Variants in RAB11FIP1 observed in about 807,000 individuals in gnomAD.
RAB11FIP1 encodes rab11 family-interacting protein 1.
A neutral mutation model predicts 83.1 loss-of-function variants in RAB11FIP1; 49 were observed. That is an observed-to-expected ratio of 0.59 (90% confidence interval 0.47 to 0.75). RAB11FIP1 has a LOEUF of 0.75. RAB11FIP1 is among the 30% of genes least tolerant of loss of function. The pLI is 0.00. For missense variants in RAB11FIP1, 1,536 were observed against 1,598.7 expected (o/e 0.96, Z 0.67); for synonymous variants, 670 against 656.0 (o/e 1.02, Z -0.33).
chr8:37,894,964 A>G (rs762726536), intron 1 of RAB11FIP1, among the ~76,000 whole-genome samples: 1 of 148,254 alleles, frequency 6.7e-6, no homozygotes, highest in Non-Finnish European at 1.5e-5. Context: ...CACCATGTTG[A>G]CCAGACTGGT....
Position 37,859,755 on chromosome 8 carries a change from G to T in RAB11FIP1, c.*3140C>A, listed in dbSNP as rs1196722160. ...CTAGGCCAAGAAATGAGCTGCTCCA[G>T]CTTCTCCAGAGCACAGCAGCCTCCC... On this transcript the variant is annotated 3_prime_UTR_variant, in exon 6 of 6. Coordinates refer to ENST00000330843, the MANE Select transcript of RAB11FIP1 (RefSeq NM_001002814.3). 6.6e-6 allele frequency: 1 copy of T among 152,266 alleles called. No individual in the cohort carries two copies. The highest frequency in any genetic ancestry group is 2.4e-5 in the African/African-American group (1 of 41,462). 9.4% of individuals were successfully genotyped at this position (152,266 alleles called of 1,614,324 possible).
At chr8:37,876,959 C>T in intron 2 of RAB11FIP1, 150 bp downstream of exon 2, 1 of 675,012 alleles carries the variant, frequency 1.5e-6, no homozygotes, top group Non-Finnish European at 2.5e-6. Context: ...GGCATCTTAA[C>T]CACCGCTATC....
At chr8:37,877,708 ATTTTTTTTTTTTTTTT>A (rs59670170) in intron 1 of RAB11FIP1, 157 bp from the exon 2 acceptor site, 4 of 211,084 alleles carry the variant, frequency 1.9e-5, no homozygotes, top group East Asian at 1.1e-4. Context: ...TGAGAGCAGA[ATTTTTTTTTTTTTTTT>A]TTTTTTTTTT....
chr8:37,871,247 A>G (rs1806449637), intron 4 of RAB11FIP1, 31 bp downstream of exon 4: 3 of 1,569,460 alleles, frequency 1.9e-6, no homozygotes, highest in Admixed American at 1.9e-5. Context: ...CATTGCTCAC[A>G]TTTACATAGA....
chr8:37,866,560 G>T (rs1297853507), intron 5 of RAB11FIP1, among the ~76,000 whole-genome samples: 1 of 151,700 alleles, frequency 6.6e-6, no homozygotes, highest in Non-Finnish European at 1.5e-5. Flanking sequence ...GATGATTTTT[G>T]GATCTAGTTG....
intron 5 of RAB11FIP1, among the ~76,000 whole-genome samples, chr8:37,864,019 CAGA>C (rs1361681019): frequency 3.3e-5 from 5 of 152,226 alleles, no homozygotes; most frequent in Admixed American, 1.3e-4. Context: ...AAGCTGCGCT[CAGA>C]AGGACTCAAT....
In RAB11FIP1 at chr8:37,860,363, G is replaced by A. The variant is rs1266305252; in HGVS notation, c.*2532C>T. 6.6e-6 allele frequency: 1 copy of A among 152,208 alleles called. No homozygotes were observed. Among genetic ancestry groups the A allele is most frequent in the Non-Finnish European group, 1.5e-5 (1 of 68,142 alleles). The allele number at this position is 152,208 out of a possible 1,614,324, so 9.4% of individuals were successfully genotyped here. On this transcript the variant is annotated 3_prime_UTR_variant, in exon 6 of 6. Transcript: ENST00000330843. ...CCTTTTCTTTCTTTCTTTTTTTTGA[G>A]ACAGAGTCTCGCCCGTTGCCCAGGC...
intron 5 of RAB11FIP1, among the ~76,000 whole-genome samples, chr8:37,865,516 C>T (rs1445513156): frequency 6.6e-6 from 1 of 151,926 alleles, no homozygotes; most frequent in Non-Finnish European, 1.5e-5. Flanking sequence ...GACAGGGTTC[C>T]ACCATGTTGG....
At chr8:37,868,497 A>C (rs1282141841) in intron 5 of RAB11FIP1, among the ~76,000 whole-genome samples, 5 of 152,188 alleles carry the variant, frequency 3.3e-5, no homozygotes, top group Non-Finnish European at 7.3e-5. Context: ...ATGGAATGAA[A>C]TTTTAGCTGC....
chr8:37,864,983 C>A (rs1377634826), intron 5 of RAB11FIP1, among the ~76,000 whole-genome samples: 1 of 149,784 alleles, frequency 6.7e-6, no homozygotes, highest in East Asian at 2.0e-4. Context: ...GTTGCCTGGA[C>A]TGGTCTCAAA....
Position 37,871,853 on chromosome 8 carries a change from T to C in RAB11FIP1, c.2949A>G (p.Glu983=), listed in dbSNP as rs1484339552. 6 of 1,613,950 alleles carry C rather than the reference T, an allele frequency of 3.7e-6. No individual in the cohort carries two copies. The highest frequency in any genetic ancestry group is 5.1e-6 in the Non-Finnish European group (6 of 1,180,020). The change falls in exon 4 of 6, where the codon GAA becomes GAG. Residue 983 remains glutamate, a synonymous_variant. Transcript: ENST00000330843. ...DQVEDDGDQV[E]DDGETAKSST... is the part of the protein sequence containing the mutation. ...ACGACTTTGCTGTCTCTCCATCATC[T>C]TCAACCTGATCTCCGTCATCTTCAA... is the stretch of plus-strand genomic sequence containing the variant.
Position 37,899,051 on chromosome 8 carries a change from C to G in RAB11FIP1, c.371+20G>C, listed in dbSNP as rs896804755. 1 of 1,457,906 alleles carries G rather than the reference C, an allele frequency of 6.9e-7. No homozygotes were observed. Among genetic ancestry groups the G allele is most frequent in the South Asian group, 1.4e-5 (1 of 72,976 alleles). 90.3% of individuals were successfully genotyped at this position (1,457,906 alleles called of 1,614,324 possible). On this transcript the variant is annotated intron_variant, in intron 1 of 5. Transcript: ENST00000330843. The surrounding 1 kb of genome is among the most constrained non-coding windows in gnomAD (Gnocchi z 4.5). ...GTCCGCGCCCCCAGGCCGGGCCCTC[C>G]CCTCCCCGCCCGCACTCACTGCGTC...
chr8:37,890,543 G>A (rs1488297300), intron 1 of RAB11FIP1, among the ~76,000 whole-genome samples: 3 of 152,070 alleles, frequency 2.0e-5, no homozygotes. Flanking sequence ...ATCAACAATC[G>A]TCTCCCTGCA....
At chr8:37,888,880 C>T (rs964140511) in intron 1 of RAB11FIP1, among the ~76,000 whole-genome samples, 1 of 149,622 alleles carries the variant, frequency 6.7e-6, no homozygotes, top group African/African-American at 2.5e-5. Flanking sequence ...TCACTGCAAG[C>T]TCCACCTCCT....
chr8:37,895,232 T>TAC (rs1807043178), intron 1 of RAB11FIP1, among the ~76,000 whole-genome samples: 2 of 6,562 alleles, frequency 3.0e-4, no homozygotes, highest in Non-Finnish European at 3.1e-4. Flanking sequence ...TATATATATA[T>TAC]ATATATATAT....
rs373565958 is a variant in RAB11FIP1, at chr8:37,877,487, T to C, written c.436A>G (p.Ile146Val). ...GTCATGTTGTTTCTCATAAACTGGA[T>C]GTCAACCTCAATTTCTCCTCGCTCC... is the stretch of plus-strand genomic sequence containing the variant. ...DKERGEIEVD[I>V]QFMRNNMTAS... Residue 146 changes from isoleucine (I) to valine (V), a missense_variant, in exon 2 of 6, where the codon ATC (isoleucine) becomes GTC (valine). Ile to Val is a conservative substitution (Grantham distance 29). Transcript: ENST00000330843. 26 of 1,613,380 alleles carry C rather than the reference T, an allele frequency of 1.6e-5. No homozygotes were observed. Among genetic ancestry groups the C allele is most frequent in the African/African-American group, 8.0e-5 (6 of 74,914 alleles).
chr8:37,882,075 G>C (rs1806742438), intron 1 of RAB11FIP1, among the ~76,000 whole-genome samples: 1 of 152,130 alleles, frequency 6.6e-6, no homozygotes, highest in African/African-American at 2.4e-5. Context: ...ACCGCAGGCG[G>C]GCAGCACGCT....
At chr8:37,896,107 C>T (rs1180240227) in intron 1 of RAB11FIP1, among the ~76,000 whole-genome samples, 1 of 151,884 alleles carries the variant, frequency 6.6e-6, no homozygotes. Context: ...GTCAGGAGTT[C>T]GAGACCAGCC....
Position 37,870,542 on chromosome 8 carries a change from GA to G in RAB11FIP1, c.3525-15del. 1.4e-6 allele frequency: 2 copies of G among 1,418,784 alleles called. No homozygotes were observed. The highest frequency in any genetic ancestry group is 2.0e-6 in the Non-Finnish European group (2 of 1,005,372). The allele number at this position is 1,418,784 out of a possible 1,614,324, so 87.9% of individuals were successfully genotyped here. On this transcript the variant is annotated splice_polypyrimidine_tract_variant and intron_variant, in intron 4 of 5. Coordinates refer to ENST00000330843, the MANE Select transcript of RAB11FIP1 (RefSeq NM_001002814.3). ...ACAGGATGAAGTCTAAAGAGAAGGGGAAAAGGATCTTTAGACCCTCCGGTCA... is the reference window on the plus strand; with the variant it reads ...ACAGGATGAAGTCTAAAGAGAAGGGGAAAGGATCTTTAGACCCTCCGGTCA...
Sources: allele counts gnomAD v4.1 joint callset (sites outside exome capture counted in the v4.1 genomes callset), GRCh38; gene constraint gnomAD v4.1.1; non-coding constraint Gnocchi (gnomAD v3.1); transcripts MANE v1.5; gene names NCBI Gene and HGNC (gene_info 2026-07-23, HGNC 2026-07-21).